DNAJC1: variants seen among roughly 807,000 people sequenced by gnomAD.
DNAJC1 encodes DnaJ heat shock protein family (Hsp40) member C1.
DNAJC1 carries 58 observed loss-of-function variants against 76.6 expected under a neutral mutation model. The ratio of observed to expected loss-of-function variants is 0.76; its 90% CI spans 0.61 to 0.94. The LOEUF (loss-of-function observed/expected upper bound fraction) is 0.94. DNAJC1 is among the 40% of genes least tolerant of loss of function. DNAJC1 has a pLI of 0.00. For missense variants in DNAJC1, 689 were observed against 677.3 expected (o/e 1.02, Z -0.19); for synonymous variants, 258 against 267.9 (o/e 0.96, Z 0.36).
chr10:21,908,883 T>C (rs1043685281), intron 6 of DNAJC1, among the ~76,000 whole-genome samples: 1 of 151,990 alleles, frequency 6.6e-6, no homozygotes, highest in African/African-American at 2.4e-5. Context: ...ACTTAAAATT[T>C]CTTTCTTTTT....
At chr10:21,841,915 C>T (rs1835580457) in intron 8 of DNAJC1, among the ~76,000 whole-genome samples, 3 of 151,812 alleles carry the variant, frequency 2.0e-5, no homozygotes, top group South Asian at 4.2e-4. Flanking sequence ...TACTATGCAG[C>T]CATAAAAAAT....
intron 1 of DNAJC1, among the ~76,000 whole-genome samples, chr10:21,983,859 T>C (rs1299459043): frequency 6.6e-6 from 1 of 152,188 alleles, no homozygotes; most frequent in African/African-American, 2.4e-5. Context: ...ATGAAGATGG[T>C]TGCACAATGT....
At chr10:21,756,882 G>A (rs959563248) in intron 11 of DNAJC1, 127 bp from the exon 12 acceptor site, 13 of 819,528 alleles carry the variant, frequency 1.6e-5, no homozygotes, top group African/African-American at 1.4e-4. Context: ...CAGAGTTCCC[G>A]GGATGTCCTG....
chr10:21,915,434 G>A (rs1836936716), intron 6 of DNAJC1, among the ~76,000 whole-genome samples: 2 of 152,204 alleles, frequency 1.3e-5, no homozygotes, highest in African/African-American at 4.8e-5. Context: ...GATTCTGCCA[G>A]TGTAAAGGTC....
At position 21,825,221 on chromosome 10, in the gene DNAJC1, C is replaced by A. The variant is rs573109953; in HGVS notation, c.979-19122G>T. On this transcript the variant is annotated intron_variant, in intron 8 of 11. Coordinates refer to ENST00000376980, the MANE Select transcript of DNAJC1 (RefSeq NM_022365.4). ...ACTCTATACTTATTAAACAATAACC[C>A]CCTGTCTCTAGTCTCTGGAAAACAC... Among the ~76,000 whole-genome samples the A allele has an allele frequency of 3.5e-4, 53 of 152,292 alleles. 3 individuals carry two copies. The South Asian group carries it at 0.011, about 31-fold the overall frequency.
At chr10:21,950,771 G>C (rs1369229783) in intron 1 of DNAJC1, among the ~76,000 whole-genome samples, 1 of 152,158 alleles carries the variant, frequency 6.6e-6, no homozygotes, top group Non-Finnish European at 1.5e-5. Context: ...AAGTGTGAGT[G>C]GTGTGGATAC....
intron 8 of DNAJC1, among the ~76,000 whole-genome samples, chr10:21,875,125 C>T (rs1421484055): frequency 6.6e-6 from 1 of 152,176 alleles, no homozygotes; most frequent in Non-Finnish European, 1.5e-5. Flanking sequence ...AGGTGATCCA[C>T]CCACCTCAGC....
chr10:21,961,538 C>G (rs1050261156), intron 1 of DNAJC1, among the ~76,000 whole-genome samples: 2 of 151,862 alleles, frequency 1.3e-5, no homozygotes, highest in African/African-American at 2.4e-5. Flanking sequence ...TCCATAGAGA[C>G]AGAAAGTGGA....
At chr10:21,856,227 C>T (rs1835830878) in intron 8 of DNAJC1, among the ~76,000 whole-genome samples, 1 of 152,096 alleles carries the variant, frequency 6.6e-6, no homozygotes, top group South Asian at 2.1e-4. Context: ...ATGACTGCAA[C>T]TACTATTTTC....
At chr10:21,879,848 G>A (rs1836245030) in intron 8 of DNAJC1, among the ~76,000 whole-genome samples, 1 of 152,160 alleles carries the variant, frequency 6.6e-6, no homozygotes, top group African/African-American at 2.4e-5. Context: ...CACTGGGGTG[G>A]TGGTTGGTAA....
chr10:21,948,092 T>C (rs1195042453), intron 1 of DNAJC1, among the ~76,000 whole-genome samples: 1 of 135,034 alleles, frequency 7.4e-6, no homozygotes, highest in Admixed American at 7.4e-5. Flanking sequence ...CCTTGCAGTC[T>C]TTTTTTTTTT....
At chr10:21,908,978 C>T (rs1296803684) in intron 6 of DNAJC1, among the ~76,000 whole-genome samples, 7 of 151,992 alleles carry the variant, frequency 4.6e-5, no homozygotes, top group Admixed American at 1.3e-4. Context: ...CTCCGCCTCC[C>T]GGGTTTAAGC....
chr10:21,783,332 T>A (rs1020222718), intron 9 of DNAJC1, among the ~76,000 whole-genome samples: 2 of 152,074 alleles, frequency 1.3e-5, no homozygotes, highest in Admixed American at 6.6e-5. Context: ...TACCTAGGAA[T>A]CCAACTTACA....
At chr10:21,844,802 A>C (rs1466234337) in intron 8 of DNAJC1, among the ~76,000 whole-genome samples, 1 of 152,208 alleles carries the variant, frequency 6.6e-6, no homozygotes, top group Admixed American at 6.5e-5. Context: ...TGGGAGGCCA[A>C]GGTGGGAGGA....
chr10:21,986,241 C>G (rs903359227), intron 1 of DNAJC1, among the ~76,000 whole-genome samples: 1 of 152,102 alleles, frequency 6.6e-6, no homozygotes, highest in African/African-American at 2.4e-5. Flanking sequence ...ACACTGTTTT[C>G]CAAAGTAGTT....
chr10:21,821,481 T>C (rs1835158707), intron 8 of DNAJC1, among the ~76,000 whole-genome samples: 1 of 152,156 alleles, frequency 6.6e-6, no homozygotes, highest in African/African-American at 2.4e-5. Context: ...AAACACATTA[T>C]AAAGTCAATG....
At chr10:21,866,427 C>T (rs1836003516) in intron 8 of DNAJC1, among the ~76,000 whole-genome samples, 5 of 151,332 alleles carry the variant, frequency 3.3e-5, no homozygotes, top group Admixed American at 2.6e-4. Context: ...ACAAAAAAAC[C>T]CAAAGCAGAA....
In DNAJC1 at chr10:21,777,125, C is replaced by T. The variant is rs564392388; in HGVS notation, c.1099-10816G>A. On this transcript the variant is annotated intron_variant, in intron 9 of 11. Transcript: ENST00000376980. ...ACCAGACCACAGACTATGAGCTAAA[C>T]CAGTTCTTTAATGAATATCATTAAT... is the stretch of plus-strand genomic sequence containing the variant. Among the ~76,000 whole-genome samples, 10 of 152,208 alleles carry T rather than the reference C, an allele frequency of 6.6e-5. No homozygotes were observed. In the South Asian group the frequency reaches 1.9e-3, roughly 28 times the overall value.
chr10:21,858,603 A>G (rs1338345655), intron 8 of DNAJC1, among the ~76,000 whole-genome samples: 2 of 152,188 alleles, frequency 1.3e-5, no homozygotes, highest in South Asian at 2.1e-4. Flanking sequence ...AGGTCCAGCT[A>G]GTTTAGCTTA....
Sources: gnomAD v4.1 joint callset for allele counts (sites outside exome capture counted in the v4.1 genomes callset) on GRCh38, gnomAD v4.1.1 for gene constraint, MANE v1.5 for transcripts, NCBI Gene and HGNC (gene_info 2026-07-23, HGNC 2026-07-21) for gene names.